SGCG: variants seen among roughly 807,000 people sequenced by gnomAD.
The protein encoded by SGCG is sarcoglycan gamma, also known as gamma-sarcoglycan.
In SGCG, 26 loss-of-function variants were observed where a neutral mutation model predicts 29.3. That is an observed-to-expected ratio of 0.89 (90% CI 0.65 to 1.23). The LOEUF (loss-of-function observed/expected upper bound fraction) is 1.23. Among genes scored for constraint, SGCG ranks in the 50% most tolerant of loss-of-function variants. The probability of loss-of-function intolerance (pLI) is 0.00; values close to 1 mark genes in which losing one functional copy is unlikely to be tolerated. For missense variants in SGCG, 353 were observed against 356.0 expected (o/e 0.99, Z 0.07); for synonymous variants, 145 against 129.7 (o/e 1.12, Z -0.80).
At chr13:23,190,537 C>T (rs879829855) in intron 1 of SGCG, among the ~76,000 whole-genome samples, 1 of 152,086 alleles carries the variant, frequency 6.6e-6, no homozygotes, top group Non-Finnish European at 1.5e-5. Context: ...ATGCTACCTG[C>T]ATATATTGGG....
chr13:23,213,660 G>C (rs571200786), intron 2 of SGCG, among the ~76,000 whole-genome samples: 26 of 152,316 alleles, frequency 1.7e-4, no homozygotes, highest in African/African-American at 6.3e-4. Flanking sequence ...AATAACATCA[G>C]ATTGGACAGA....
At chr13:23,277,601 G>A (rs1881129461) in intron 4 of SGCG, among the ~76,000 whole-genome samples, 1 of 151,796 alleles carries the variant, frequency 6.6e-6, no homozygotes, top group African/African-American at 2.4e-5. Flanking sequence ...TTTACTTAAT[G>A]TCTACCAGGT....
the SGCG span, among the ~76,000 whole-genome samples, chr13:23,168,101 A>T: frequency 4.0e-3 from 523 of 131,018 alleles, 1 homozygote; most frequent in Non-Finnish European, 6.5e-3. Context: ...AGCTCCCTAG[A>T]TATTCTGGTT....
At chr13:23,292,225 T>C (rs1402068469) in intron 5 of SGCG, among the ~76,000 whole-genome samples, 1 of 151,758 alleles carries the variant, frequency 6.6e-6, no homozygotes, top group Non-Finnish European at 1.5e-5. Context: ...TTCTCATGCC[T>C]CAGCCTCCAG....
At chr13:23,262,069 T>C (rs1880458706) in intron 4 of SGCG, among the ~76,000 whole-genome samples, 1 of 151,796 alleles carries the variant, frequency 6.6e-6, no homozygotes, top group Non-Finnish European at 1.5e-5. Flanking sequence ...AAGCACAAAA[T>C]TCACAGGGGT....
At position 23,269,874 on chromosome 13, in the gene SGCG, G is replaced by GTTTTT. The variant is rs796558128; in HGVS notation, c.386-9481_386-9477dup. Among the ~76,000 whole-genome samples, 15 of 97,570 alleles carry GTTTTT rather than the reference G, an allele frequency of 1.5e-4. 1 individual carries two copies. Among genetic ancestry groups the GTTTTT allele is most frequent in the African/African-American group, 4.1e-4 (13 of 31,752 alleles). 64.0% of individuals were successfully genotyped at this position (97,570 alleles called of 152,430 possible). On this transcript the variant is annotated intron_variant, in intron 4 of 7. Transcript: ENST00000218867. Reference sequence around the variant, plus strand: ...TGGTTTGCTTTTTTTTGTTTTTTTTGTTTTTTTTGTTTTTTTTTGAGGCGG... The same window carrying GTTTTT: ...TGGTTTGCTTTTTTTTGTTTTTTTTGTTTTTTTTTTTTTGTTTTTTTTTGAGGCGG...
chr13:23,185,580 A>G (rs1000068252), intron 1 of SGCG, among the ~76,000 whole-genome samples: 5 of 152,190 alleles, frequency 3.3e-5, no homozygotes, highest in Non-Finnish European at 7.3e-5. Flanking sequence ...TATGCGTGCC[A>G]TGTATTGGAA....
chr13:23,233,527 G>A (rs1879187119), intron 2 of SGCG, among the ~76,000 whole-genome samples: 1 of 152,106 alleles, frequency 6.6e-6, no homozygotes, highest in Non-Finnish European at 1.5e-5. Context: ...GGGTGGAGGG[G>A]AGAATGGGGA....
intron 4 of SGCG, among the ~76,000 whole-genome samples, chr13:23,263,279 G>C (rs948805546): frequency 6.6e-6 from 1 of 151,910 alleles, no homozygotes; most frequent in African/African-American, 2.4e-5. Context: ...AGCTCGATTA[G>C]AAATGAAAAT....
At chr13:23,192,206 G>A (rs1459574291) in intron 1 of SGCG, among the ~76,000 whole-genome samples, 1 of 151,372 alleles carries the variant, frequency 6.6e-6, no homozygotes, top group East Asian at 1.9e-4. Context: ...GGAAGTTTCA[G>A]CCTATGAATC....
At chr13:23,227,499 C>T (rs1878947458) in intron 2 of SGCG, among the ~76,000 whole-genome samples, 1 of 152,144 alleles carries the variant, frequency 6.6e-6, no homozygotes, top group African/African-American at 2.4e-5. Flanking sequence ...ATGTAAAAGT[C>T]TGTAGCAGCT....
intron 2 of SGCG, among the ~76,000 whole-genome samples, chr13:23,216,188 T>C (rs545402316): frequency 8.5e-5 from 13 of 152,216 alleles, no homozygotes; most frequent in East Asian, 3.9e-4. Context: ...CTCCAAATTC[T>C]CCAATACTCT....
In SGCG at chr13:23,203,839, G is replaced by A; in HGVS notation, c.145G>A (p.Val49Met). ...TCTTCTTTTACTCATCATCCTCGTT[G>A]TGAATTTAGCTCTTACAATTTGGAT... ...FVLLLLIILVVNLALTIWILK... is the reference protein window; with the variant it reads ...FVLLLLIILVMNLALTIWILK... The change falls in exon 2 of 8, where the codon GTG becomes ATG. Residue 49 changes from valine to methionine, a missense_variant. By Grantham distance (21) the Val-to-Met change is conservative. Coordinates refer to ENST00000218867, the MANE Select transcript of SGCG (RefSeq NM_000231.3). 1.2e-6 allele frequency: 2 copies of A among 1,614,024 alleles called. No individual in the cohort carries two copies. Among genetic ancestry groups the A allele is most frequent in the South Asian group, 1.1e-5 (1 of 91,082 alleles).
chr13:23,282,957 C>T (rs9578568), intron 5 of SGCG, among the ~76,000 whole-genome samples: 65,667 of 151,776 alleles, frequency 0.43, 14,998 homozygotes, highest in Middle Eastern at 0.64. Flanking sequence ...TGAGTCCTAA[C>T]TTGATTGCAC....
chr13:23,242,131 G>A (rs1879537797), intron 3 of SGCG, among the ~76,000 whole-genome samples: 1 of 152,102 alleles, frequency 6.6e-6, no homozygotes, highest in Non-Finnish European at 1.5e-5. Flanking sequence ...GAATGGTAAG[G>A]AAATATTACA....
At chr13:23,215,042 C>A (rs529707061) in intron 2 of SGCG, among the ~76,000 whole-genome samples, 1 of 152,204 alleles carries the variant, frequency 6.6e-6, no homozygotes, top group South Asian at 2.1e-4. Flanking sequence ...CAGGGATATG[C>A]CTTCAATTTT....
chr13:23,244,232 T>C (rs922919110), intron 3 of SGCG: 3 of 152,136 alleles, frequency 2.0e-5, no homozygotes, highest in Non-Finnish European at 2.9e-5. Context: ...ACAGAGAAAG[T>C]ATAAACAAAA....
Position 23,318,204 on chromosome 13 carries a change from A to C in SGCG, c.579-2433A>C, listed in dbSNP as rs200150852. ...TTCCTACTAGTTATGTCCTACTATAACTACTAGTTATGTCCTACTAGTTAT... is the reference window on the plus strand; with the variant it reads ...TTCCTACTAGTTATGTCCTACTATACCTACTAGTTATGTCCTACTAGTTAT... On this transcript the variant is annotated intron_variant, in intron 6 of 7. Coordinates refer to ENST00000218867, the MANE Select transcript of SGCG (RefSeq NM_000231.3). Among the ~76,000 whole-genome samples, 4 of 151,026 alleles carry C rather than the reference A, an allele frequency of 2.6e-5. No individual in the cohort carries two copies. The East Asian group carries it at 7.8e-4, about 30-fold the overall frequency.
chr13:23,206,618 A>G (rs375470833), intron 2 of SGCG, among the ~76,000 whole-genome samples: 19 of 152,328 alleles, frequency 1.2e-4, no homozygotes, highest in African/African-American at 4.3e-4. Flanking sequence ...GCTACAATGA[A>G]CATGAAAGTG....
Sources: allele counts gnomAD v4.1 joint callset (sites outside exome capture counted in the v4.1 genomes callset), GRCh38; gene constraint gnomAD v4.1.1; transcripts MANE v1.5; gene names NCBI Gene and HGNC (gene_info 2026-07-23, HGNC 2026-07-21).